Variants in AASDH observed in about 807,000 individuals in gnomAD.
The protein encoded by AASDH is aminoadipate-semialdehyde dehydrogenase.
In AASDH, 81 loss-of-function variants were observed where a neutral mutation model predicts 102.3. The observed-to-expected ratio is 0.79, with a 90% CI of 0.66 to 0.95. AASDH has a LOEUF of 0.95. Ranked by LOEUF, AASDH falls within the 40% of genes least tolerant of loss-of-function variation. The probability of loss-of-function intolerance (pLI) is 0.00; values close to 1 mark genes in which losing one functional copy is unlikely to be tolerated. For missense variants in AASDH, 1,203 were observed against 1,266.2 expected, an observed-to-expected ratio of 0.95 and a Z score of 0.76; for synonymous variants, 398 against 454.0, an observed-to-expected ratio of 0.88 and a Z score of 1.57.
intron 5 of AASDH, among the ~76,000 whole-genome samples, chr4:56,362,614 G>A (rs1750441232): frequency 6.6e-6 from 1 of 152,046 alleles, no homozygotes. Flanking sequence ...TCTGGGTAAG[G>A]TTTTTATTTG....
At chr4:56,384,847 G>A (rs1349964085) in intron 1 of AASDH, among the ~76,000 whole-genome samples, 1 of 152,182 alleles carries the variant, frequency 6.6e-6, no homozygotes, top group East Asian at 1.9e-4. Context: ...GCCGAGGTGG[G>A]TGGATCACTT....
chr4:56,356,140 A>G (rs1358067603), intron 5 of AASDH: 2 of 655,506 alleles, frequency 3.1e-6, no homozygotes, highest in East Asian at 2.7e-5. Context: ...CCAAGATGCC[A>G]AAAGGAAAGG....
chr4:56,363,136 AG>A (rs1222639845), intron 5 of AASDH, among the ~76,000 whole-genome samples: 2 of 152,244 alleles, frequency 1.3e-5, no homozygotes, highest in East Asian at 3.9e-4. Flanking sequence ...CTAGCACAGC[AG>A]TCTGAGATCA....
Position 56,349,352 on chromosome 4 carries a change from TAA to T in AASDH, c.2397_2398del (p.Phe799LeufsTer16), listed in dbSNP as rs1748694805. 1.9e-6 allele frequency: 3 copies of T among 1,614,008 alleles called. No individual in the cohort carries two copies. Among genetic ancestry groups the T allele is most frequent in the Admixed American group, 1.7e-5 (1 of 59,992 alleles). On this transcript the variant is annotated frameshift_variant, in exon 11 of 15. Coordinates refer to ENST00000205214, the MANE Select transcript of AASDH (RefSeq NM_181806.4). LOFTEE classifies it high-confidence loss of function. ...CTGTTCCCATTTTACCTTCCCAGAG[TAA>T]AAGTCAACTGCCTTCATTCTATGAG...
At chr4:56,341,652 C>T (rs570087714) in intron 14 of AASDH, among the ~76,000 whole-genome samples, 5 of 151,126 alleles carry the variant, frequency 3.3e-5, no homozygotes, top group Admixed American at 2.6e-4. Flanking sequence ...CCTCCCACCT[C>T]GGCCTCCCAA....
chr4:56,338,591 C>CATT lies in AASDH; in HGVS notation c.3105_3107dup (p.Glu1035_Met1036insIle). 6.2e-7 allele frequency: 1 copy of CATT among 1,614,192 alleles called. No homozygotes were observed. The highest frequency in any genetic ancestry group is 8.5e-7 in the Non-Finnish European group (1 of 1,180,022). ...CATCAGTAGATGCTGCTGCCAGCAA[C>CATT]ATTTCATTGCTGCCATTGTAGTTAT... is the stretch of plus-strand genomic sequence containing the variant. On this transcript the variant is annotated inframe_insertion, in exon 15 of 15. Coordinates refer to ENST00000205214, the MANE Select transcript of AASDH (RefSeq NM_181806.4).
At chr4:56,365,087 G>A (rs1283937267) in intron 5 of AASDH, among the ~76,000 whole-genome samples, 8 of 152,046 alleles carry the variant, frequency 5.3e-5, no homozygotes, top group Admixed American at 5.2e-4. Context: ...GGATAAAATA[G>A]ACTTTAAACC....
chr4:56,342,339 T>C (rs904358034), intron 14 of AASDH, among the ~76,000 whole-genome samples: 1 of 152,156 alleles, frequency 6.6e-6, no homozygotes, highest in African/African-American at 2.4e-5. Context: ...CTCAAGGTGA[T>C]GGACACCACA....
intron 11 of AASDH, among the ~76,000 whole-genome samples, chr4:56,345,818 G>A (rs1191133944): frequency 3.9e-5 from 6 of 152,336 alleles, no homozygotes; most frequent in African/African-American, 1.2e-4. Context: ...TGTGTCAGGC[G>A]TTATTCTAAG....
At chr4:56,373,137 A>G (rs1479510250) in intron 4 of AASDH, among the ~76,000 whole-genome samples, 1 of 152,070 alleles carries the variant, frequency 6.6e-6, no homozygotes, top group East Asian at 1.9e-4. Context: ...CTATATTTCT[A>G]GTTTTTTTGT....
At chr4:56,364,451 T>C (rs1179666783) in intron 5 of AASDH, among the ~76,000 whole-genome samples, 8 of 152,046 alleles carry the variant, frequency 5.3e-5, no homozygotes, top group Admixed American at 5.2e-4. Context: ...GGAAAAAATG[T>C]TAAGGGCAGC....
intron 2 of AASDH, among the ~76,000 whole-genome samples, chr4:56,382,929 C>T (rs898695680): frequency 5.3e-5 from 8 of 152,246 alleles, no homozygotes; most frequent in South Asian, 2.1e-4. Flanking sequence ...ATCAGCCGGG[C>T]GTCTGCAATC....
chr4:56,357,534 T>G (rs1247546292), intron 5 of AASDH, among the ~76,000 whole-genome samples: 1 of 151,922 alleles, frequency 6.6e-6, no homozygotes, highest in East Asian at 1.9e-4. Flanking sequence ...GTACCACTGT[T>G]AGTCTCCTCT....
At chr4:56,380,343 A>G (rs574520871) in intron 3 of AASDH, among the ~76,000 whole-genome samples, 5 of 152,320 alleles carry the variant, frequency 3.3e-5, no homozygotes, top group African/African-American at 1.2e-4. Flanking sequence ...TAGGTTGACA[A>G]CAACAGCTTA....
intron 1 of AASDH, among the ~76,000 whole-genome samples, chr4:56,385,746 C>T (rs1214945509): frequency 6.6e-6 from 1 of 151,876 alleles, no homozygotes; most frequent in African/African-American, 2.4e-5. Context: ...TACAAGTGCG[C>T]GCTACCATGT....
intron 3 of AASDH, among the ~76,000 whole-genome samples, chr4:56,380,520 C>T (rs1040728782): frequency 2.6e-5 from 4 of 152,080 alleles, no homozygotes; most frequent in African/African-American, 9.7e-5. Context: ...GAACTACATA[C>T]GCTTCAGATC....
chr4:56,354,720 C>G lies in AASDH; in HGVS notation c.1195G>C (p.Gly399Arg). ...TNGFTIQEGS[G>R]QVFLGGRNRV... ...ATAAAACAACCTAAAAATACTTGGC[C>G]ACTGCCTTCCTGAATTGTGAAGCCA... The change falls in exon 7 of 15, where the codon GGC becomes CGC. Residue 399 changes from glycine to arginine, a missense_variant. Gly to Arg is a moderately radical substitution (Grantham distance 125). Transcript: ENST00000205214. 6.3e-7 allele frequency: 1 copy of G among 1,598,564 alleles called. No individual in the cohort carries two copies.
At chr4:56,378,810 CTTT>C (rs923210489) in intron 3 of AASDH, among the ~76,000 whole-genome samples, 3 of 117,496 alleles carry the variant, frequency 2.6e-5, no homozygotes, top group Admixed American at 2.5e-4. Flanking sequence ...TGAATATTTT[CTTT>C]TTTTTTTTCT....
chr4:56,338,410 G>GAT lies in AASDH; in HGVS notation c.3287_3288dup (p.Gln1097IlefsTer12). ...ATAAGGACTGTATTTGATTATTTTT[G>GAT]ATTGCCACCCAATAAATCCAGACAA... On this transcript the variant is annotated frameshift_variant, in exon 15 of 15. Coordinates refer to ENST00000205214, the MANE Select transcript of AASDH (RefSeq NM_181806.4). LOFTEE classifies it high-confidence loss of function. 1 of 1,612,456 alleles carries GAT rather than the reference G, an allele frequency of 6.2e-7. No homozygotes were observed. The highest frequency in any genetic ancestry group is 8.5e-7 in the Non-Finnish European group (1 of 1,179,400).
Sources: gnomAD v4.1 joint callset for allele counts (sites outside exome capture counted in the v4.1 genomes callset) on GRCh38, gnomAD v4.1.1 for gene constraint, MANE v1.5 for transcripts, NCBI Gene and HGNC (gene_info 2026-07-23, HGNC 2026-07-21) for gene names.